Variants in HLA-F observed in about 807,000 individuals in gnomAD.
The protein encoded by HLA-F is HLA class I histocompatibility antigen, alpha chain F.
HLA-F carries 46 observed loss-of-function variants against 49.5 expected under a neutral mutation model. That is an observed-to-expected ratio of 0.93 (90% confidence interval 0.73 to 1.19). HLA-F has a LOEUF of 1.19. Ranked by LOEUF, HLA-F falls within the 50% of genes most tolerant of loss-of-function variation. HLA-F has a pLI of 0.00. For missense variants in HLA-F, 496 were observed against 579.6 expected (o/e 0.86, Z 1.48); for synonymous variants, 203 against 233.5 (o/e 0.87, Z 1.19).
Position 29,727,198 on chromosome 6 carries a change from G to C in HLA-F, c.*23G>C, listed in dbSNP as rs1210098006. 1.0e-5 allele frequency: 15 copies of C among 1,500,920 alleles called. No homozygotes were observed. Among genetic ancestry groups the C allele is most frequent in the Non-Finnish European group, 1.4e-5 (15 of 1,109,090 alleles). The allele number at this position is 1,500,920 out of a possible 1,614,324, so 93.0% of individuals were successfully genotyped here. ...TGAGTCATTCTAAAGTAAGTTGCAA[G>C]ACCCATGATACTAGACCACTAAATA... On this transcript the variant is annotated 3_prime_UTR_variant, in exon 7 of 7. Coordinates refer to ENST00000259951, the MANE Select transcript of HLA-F (RefSeq NM_001098479.2).
intron 3 of HLA-F, among the ~76,000 whole-genome samples, chr6:29,734,350 G>A (rs1446785446): frequency 1.3e-5 from 2 of 152,174 alleles, no homozygotes; most frequent in Non-Finnish European, 2.9e-5. Context: ...CCTAACATAA[G>A]GTCAAACATT....
intron 3 of HLA-F, chr6:29,738,069 G>T (rs2127602885): frequency 6.6e-6 from 1 of 152,260 alleles, no homozygotes; most frequent in East Asian, 1.9e-4. Flanking sequence ...AAGTGGAGAT[G>T]ACACCATTCC....
At chr6:29,737,254 G>A (rs540432808) in intron 3 of HLA-F, among the ~76,000 whole-genome samples, 2 of 104,876 alleles carry the variant, frequency 1.9e-5, no homozygotes, top group African/African-American at 8.0e-5. Context: ...CTGAATAGAC[G>A]CAAACCTCTA....
At chr6:29,726,836 A>C in intron 6 of HLA-F, 47 bp from the exon 7 acceptor site, 1 of 1,594,102 alleles carries the variant, frequency 6.3e-7, no homozygotes, top group South Asian at 1.1e-5. Flanking sequence ...TGGCTTTAAC[A>C]TCCACAGTGA....
chr6:29,729,089 C>T (rs958521572), downstream of HLA-F: 1 of 152,068 alleles, frequency 6.6e-6, no homozygotes, highest in Non-Finnish European at 1.5e-5. Context: ...CTGTGGCCCC[C>T]TTATGCAATA....
At chr6:29,733,849 C>A (rs1464932843) in intron 3 of HLA-F, among the ~76,000 whole-genome samples, 3 of 151,872 alleles carry the variant, frequency 2.0e-5, no homozygotes, top group Non-Finnish European at 4.4e-5. Context: ...CTGATTATCT[C>A]ATTTATAGAC....
At chr6:29,733,963 G>A (rs1337113593) in intron 3 of HLA-F, among the ~76,000 whole-genome samples, 2 of 152,170 alleles carry the variant, frequency 1.3e-5, no homozygotes, top group Non-Finnish European at 2.9e-5. Context: ...GAGTCCCTGA[G>A]AACATAAAAT....
chr6:29,732,456 A>T (rs1248644558), intron 3 of HLA-F, among the ~76,000 whole-genome samples: 4 of 152,048 alleles, frequency 2.6e-5, no homozygotes, highest in Non-Finnish European at 5.9e-5. Context: ...AAATTTAAAA[A>T]TTTTTTTAGA....
chr6:29,735,457 T>C (rs1172018882), intron 3 of HLA-F: 1 of 150,708 alleles, frequency 6.6e-6, no homozygotes, highest in Non-Finnish European at 1.5e-5. Context: ...TCTTTTTTTT[T>C]CTGACCTCTA....
downstream of HLA-F, among the ~76,000 whole-genome samples, chr6:29,732,122 G>A (rs1245378714): frequency 2.4e-5 from 3 of 126,332 alleles, no homozygotes; most frequent in Admixed American, 2.5e-4. Flanking sequence ...ATGCCACCAT[G>A]CCCAGCTAAT....
At position 29,725,063 on chromosome 6, in the gene HLA-F, A is replaced by G. The variant is rs113590265; in HGVS notation, c.643A>G (p.Ile215Val). The change falls in exon 4 of 7, where the codon ATC (isoleucine) becomes GTC (valine). Residue 215 changes from isoleucine to valine, a missense_variant. By Grantham distance (29) the Ile-to-Val change is conservative (BLOSUM62 3). Transcript: ENST00000259951. ...AAAGGCACACGTTGCCCACCACCCC[A>G]TCTCTGACCATGAGGCCACCCTGAG... ...PPKAHVAHHP[I>V]SDHEATLRCW... 1 of 1,613,874 alleles carries G rather than the reference A, an allele frequency of 6.2e-7. No individual in the cohort carries two copies. Among genetic ancestry groups the G allele is most frequent in the Non-Finnish European group, 8.5e-7 (1 of 1,179,834 alleles).
chr6:29,731,282 CAA>C (rs763179878), downstream of HLA-F, among the ~76,000 whole-genome samples: 2 of 126,206 alleles, frequency 1.6e-5, no homozygotes, highest in South Asian at 2.6e-4. Flanking sequence ...GATAGATAGA[CAA>C]GAGGGGATTT....
At chr6:29,724,541 A>T in intron 3 of HLA-F, 93 bp downstream of exon 3, 1 of 1,298,748 alleles carries the variant, frequency 7.7e-7, no homozygotes, top group Non-Finnish European at 1.1e-6. Flanking sequence ...CAATGCTAGG[A>T]TATCGCCCTC....
rs1374792938 is a variant in HLA-F, at chr6:29,727,040, G to C, written c.1194G>C (p.Leu398=). The C allele has an allele frequency of 1.9e-6, 3 of 1,613,244 alleles. No homozygotes were observed. In the African/African-American group the frequency reaches 4.0e-5, roughly 22 times the overall value. The part of the protein sequence containing the change: ...GDMWILFFLW[L]WTSFNTAFLA... ...TGTGGATCTTGTTTTTTTTGTGGCT[G>C]TGGACATCTTTCAACACTGCCTTCT... The change falls in exon 7 of 7, where the codon CTG becomes CTC. Residue 398 remains leucine (L), a synonymous_variant. Transcript: ENST00000259951.
At chr6:29,728,322 G>C (rs1211671053), downstream of HLA-F, 3 of 351,762 alleles carry the variant, frequency 8.5e-6, no homozygotes, top group East Asian at 1.5e-4. Context: ...CCATCTGTAT[G>C]CCTGTAGTGC....
intron 6 of HLA-F, chr6:29,726,388 A>G (rs1271198535): frequency 6.2e-7 from 1 of 1,611,710 alleles, no homozygotes; most frequent in Admixed American, 1.7e-5. Flanking sequence ...TTGTTCATGA[A>G]TATTTTCTCT....
chr6:29,731,666 C>T (rs1208611942), downstream of HLA-F, among the ~76,000 whole-genome samples: 1 of 152,148 alleles, frequency 6.6e-6, no homozygotes, highest in Non-Finnish European at 1.5e-5. Flanking sequence ...TCCAGAAACA[C>T]CCTCGCAGGC....
In HLA-F at chr6:29,724,379, C is replaced by G; in HGVS notation, c.541C>G (p.Leu181Val). 6.2e-7 allele frequency: 1 copy of G among 1,613,226 alleles called. No homozygotes were observed. The highest frequency in any genetic ancestry group is 1.1e-5 in the South Asian group (1 of 91,088). Residue 181 changes from leucine to valine, a missense_variant, in exon 3 of 7, where the codon CTG becomes GTG. Physicochemically the swap from Leu to Val is conservative, Grantham distance 32 (BLOSUM62 1). Transcript: ENST00000259951. ...EEYAEEFRTY[L>V]EGECLELLRR... ...ATATGCAGAGGAGTTCAGGACCTAC[C>G]TGGAGGGCGAGTGCCTGGAGTTGCT...
intron 1 of HLA-F, 24 bp from the exon 2 acceptor site, chr6:29,723,634 G>A: frequency 1.2e-6 from 2 of 1,605,804 alleles, no homozygotes; most frequent in Non-Finnish European, 1.7e-6. Context: ...GGTCTGGCGG[G>A]TCTCAGCCCC....
Sources: gnomAD v4.1 joint callset for allele counts (sites outside exome capture counted in the v4.1 genomes callset) on GRCh38, gnomAD v4.1.1 for gene constraint, MANE v1.5 for transcripts, NCBI Gene and HGNC (gene_info 2026-07-23, HGNC 2026-07-21) for gene names.